Variants in ANAPC5 observed in about 807,000 individuals in gnomAD.
ANAPC5 encodes the protein anaphase promoting complex subunit 5.
ANAPC5 carries 60 observed loss-of-function variants against 91.3 expected under a neutral mutation model. That is an observed-to-expected ratio of 0.66 (90% CI 0.53 to 0.81). ANAPC5 has a LOEUF of 0.81. ANAPC5 is among the 40% of genes least tolerant of loss of function. ANAPC5 has a pLI of 0.00. For synonymous variants in ANAPC5, 340 were observed against 364.1 expected (o/e 0.93, Z 0.75); for missense variants, 690 against 931.5 (o/e 0.74, Z 3.37).
upstream of ANAPC5, among the ~76,000 whole-genome samples, chr12:121,352,722 TGG>T (rs1903959772): frequency 7.0e-6 from 1 of 142,946 alleles, no homozygotes; most frequent in Non-Finnish European, 1.5e-5. Context: ...TTGTTGTTGG[TGG>T]TGGTGGTGGT....
At position 121,335,729 on chromosome 12, in the gene ANAPC5, A is replaced by C. The variant is rs1903208480; in HGVS notation, c.760-6T>G. On this transcript the variant is annotated splice_polypyrimidine_tract_variant and splice_region_variant and intron_variant, in intron 6 of 16. Transcript: ENST00000261819. ...TTTAAGTAGCTGAGATAATGCTAAA[A>C]CAAGAAATAATCAATGTATTTTAAA... The C allele has an allele frequency of 1.2e-6, 2 of 1,600,344 alleles. No homozygotes were observed. Among genetic ancestry groups the C allele is most frequent in the East Asian group, 4.5e-5 (2 of 44,522 alleles).
At chr12:121,352,856 C>T (rs537969607), upstream of ANAPC5, among the ~76,000 whole-genome samples, 114 of 152,148 alleles carry the variant, frequency 7.5e-4, no homozygotes, top group African/African-American at 2.6e-3. Context: ...TCGAGCGATC[C>T]TCCCGCCTTC....
In ANAPC5 at chr12:121,318,360, G is replaced by C. The variant is rs1902455197; in HGVS notation, c.1810C>G (p.Leu604Val). The C allele has an allele frequency of 1.9e-6, 3 of 1,612,104 alleles. No individual in the cohort carries two copies. ...SSSPTIALPM[L>V]LQALALSKEY... ...TTGGAGAGGGCCAGAGCCTGCAGGA[G>C]CATGGGCAGCGCGATGGTAGGGGAG... is the stretch of plus-strand genomic sequence containing the variant. Residue 604 changes from leucine to valine, a missense_variant, in exon 15 of 17, where the codon CTC (leucine) becomes GTC (valine). Physicochemically the swap from Leu to Val is conservative, Grantham distance 32. Around this residue, in one of 5 missense-constraint regions of ANAPC5, gnomAD observed 317 missense variants for 438.7 expected, o/e 0.72. Transcript: ENST00000261819.
At chr12:121,309,540 T>C (rs988229494) in intron 16 of ANAPC5, among the ~76,000 whole-genome samples, 161 bp downstream of exon 16, 1 of 152,070 alleles carries the variant, frequency 6.6e-6, no homozygotes, top group African/African-American at 2.4e-5. Flanking sequence ...CAAGCATGCA[T>C]GTGAAAGCAC....
At chr12:121,332,210 T>C (rs782390170) in intron 7 of ANAPC5, 10 of 152,264 alleles carry the variant, frequency 6.6e-5, no homozygotes, top group Non-Finnish European at 1.3e-4. Flanking sequence ...CGATCCTCCT[T>C]CTTTGGCCTC....
intron 2 of ANAPC5, chr12:121,347,213 T>C (rs1903702879): frequency 3.9e-6 from 2 of 511,018 alleles, no homozygotes; most frequent in East Asian, 6.8e-5. Flanking sequence ...ATCATAAAAT[T>C]TGTCAAACTA....
chr12:121,319,736 G>A lies in ANAPC5; in HGVS notation c.1598C>T (p.Thr533Ile), dbSNP rs1005294143. The part of the protein sequence containing the change: ...GKYHLADSLV[T>I]GITALNSIEG... The stretch of plus-strand genomic sequence containing the variant: ...TATGCTATTGAGAGCTGTGATTCCT[G>A]TAACAAGTGAATCAGCCAAATGATA... Residue 533 changes from threonine (T) to isoleucine (I), a missense_variant, in exon 13 of 17, where the codon ACA (threonine) becomes ATA (isoleucine). This residue lies in a region of ANAPC5 where 317 missense variants were observed against 438.7 expected (regional missense o/e 0.72). Transcript: ENST00000261819. 6 of 1,612,164 alleles carry A rather than the reference G, an allele frequency of 3.7e-6. No individual in the cohort carries two copies. In the African/African-American group the frequency reaches 8.0e-5, roughly 22 times the overall value.
rs561863689 is a variant in ANAPC5, at chr12:121,327,960, C to G, written c.1304+356G>C. The G allele has an allele frequency of 2.0e-5, 4 of 197,866 alleles. No homozygotes were observed. In the South Asian group the frequency reaches 4.1e-4, roughly 21 times the overall value. The allele number at this position is 197,866 out of a possible 1,614,324, so 12.3% of individuals were successfully genotyped here. ...AGGTTCCTGTCACAGAGCAGAGGAG[C>G]CCGGTGCTTGGAGTCAGATGACGTG... On this transcript the variant is annotated intron_variant, in intron 10 of 16. Transcript: ENST00000261819.
chr12:121,353,985 AT>A (rs56126551), upstream of ANAPC5, among the ~76,000 whole-genome samples: 104,241 of 136,796 alleles, frequency 0.76, 41,639 homozygotes, highest in Non-Finnish European at 0.88. Context: ...TGCATGGCTA[AT>A]TTTTTTTTTT....
At chr12:121,323,792 A>G (rs2136775387) in intron 11 of ANAPC5, among the ~76,000 whole-genome samples, 1 of 152,304 alleles carries the variant, frequency 6.6e-6, no homozygotes, top group South Asian at 2.1e-4. Flanking sequence ...AAAGATCATT[A>G]TTCCTGTGAT....
intron 10 of ANAPC5, 198 bp from the exon 11 acceptor site, chr12:121,327,429 C>T (rs879978052): frequency 9.9e-6 from 6 of 603,356 alleles, no homozygotes; most frequent in Admixed American, 3.3e-5. Flanking sequence ...GGATGTGCAG[C>T]GCGAGGAGAC....
chr12:121,313,168 T>C (rs1902238060), intron 15 of ANAPC5, among the ~76,000 whole-genome samples: 1 of 150,482 alleles, frequency 6.6e-6, no homozygotes, highest in African/African-American at 2.4e-5. Flanking sequence ...TCTATTAAAA[T>C]TACAAAAATT....
At chr12:121,316,602 G>A (rs1170482030) in intron 15 of ANAPC5, among the ~76,000 whole-genome samples, 3 of 151,662 alleles carry the variant, frequency 2.0e-5, no homozygotes, top group African/African-American at 4.8e-5. Flanking sequence ...GCGTGGTGGC[G>A]GGCGCCTGTA....
intron 2 of ANAPC5, 76 bp from the exon 3 acceptor site, chr12:121,347,081 C>A (rs1903696387): frequency 2.4e-6 from 2 of 832,686 alleles, no homozygotes; most frequent in African/African-American, 3.5e-5. Flanking sequence ...TCCTCAATTA[C>A]CTCAAATAAT....
intron 7 of ANAPC5, chr12:121,334,875 G>A (rs1185588986): frequency 6.6e-6 from 1 of 152,064 alleles, no homozygotes; most frequent in Non-Finnish European, 1.5e-5. Context: ...CTTTTTCACT[G>A]AACGGCCTGT....
intron 4 of ANAPC5, among the ~76,000 whole-genome samples, chr12:121,344,695 CAT>C (rs1903596733): frequency 6.6e-6 from 1 of 152,088 alleles, no homozygotes; most frequent in South Asian, 2.1e-4. Flanking sequence ...AAAGGGAGCA[CAT>C]GAGGTGAAAA....
At chr12:121,313,120 GT>G (rs1294211726) in intron 15 of ANAPC5, among the ~76,000 whole-genome samples, 2 of 152,150 alleles carry the variant, frequency 1.3e-5, no homozygotes, top group Non-Finnish European at 2.9e-5. Flanking sequence ...GAGGTCAGGC[GT>G]TCGAGGCCAG....
chr12:121,332,920 G>A (rs1424788271), intron 7 of ANAPC5: 1 of 152,200 alleles, frequency 6.6e-6, no homozygotes, highest in African/African-American at 2.4e-5. Flanking sequence ...GGCCAAGGTG[G>A]GAGGATCACT....
Position 121,352,162 on chromosome 12 carries a change from A to C in ANAPC5, c.179T>G (p.Leu60Arg), listed in dbSNP as rs550874290. Reference sequence around the variant, plus strand: ...CAGCAGGGGCAGGAGCAGCTGGTTGAGCCTCCGCCGCTCCATGAGGCTGAC... The same window carrying C: ...CAGCAGGGGCAGGAGCAGCTGGTTGCGCCTCCGCCGCTCCATGAGGCTGAC... The part of the protein sequence containing the change: ...GAVSLMERRR[L>R]NQLLLPLLQG... The change falls in exon 1 of 17, where the codon CTC becomes CGC. Residue 60 changes from leucine (L) to arginine (R), a missense_variant. Physicochemically the swap from Leu to Arg is moderately radical, Grantham distance 102. Around this residue, in one of 5 missense-constraint regions of ANAPC5, gnomAD observed 238 missense variants for 264.9 expected, o/e 0.90. Transcript: ENST00000261819. 6.2e-7 allele frequency: 1 copy of C among 1,611,972 alleles called. No homozygotes were observed. The highest frequency in any genetic ancestry group is 1.3e-5 in the African/African-American group (1 of 75,034).
Sources: gnomAD v4.1 joint callset for allele counts (sites outside exome capture counted in the v4.1 genomes callset) on GRCh38, gnomAD v4.1.1 for gene constraint, gnomAD v4.1.1 regional missense constraint, MANE v1.5 for transcripts, NCBI Gene and HGNC (gene_info 2026-07-23, HGNC 2026-07-21) for gene names.